The following FAM120B variants were observed in gnomAD, a reference collection of about 807,000 sequenced individuals.
FAM120B encodes family with sequence similarity 120 member B, also known as constitutive coactivator of peroxisome proliferator-activated receptor gamma.
FAM120B carries 83 observed loss-of-function variants against 96.3 expected under a neutral mutation model. That is an observed-to-expected ratio of 0.86 (90% CI 0.72 to 1.03). The LOEUF (loss-of-function observed/expected upper bound fraction) is 1.03, where lower values mean the gene tolerates loss of function less well. Ranked by LOEUF, FAM120B falls within the 50% of genes least tolerant of loss-of-function variation. The pLI, the probability that FAM120B is intolerant of heterozygous loss-of-function variation, is 0.00. For missense variants in FAM120B, 1,027 were observed against 1,121.2 expected (o/e 0.92, Z 1.20); for synonymous variants, 407 against 402.7 (o/e 1.01, Z -0.13).
chr6:170,338,655 A>G (rs1786601918), intron 4 of FAM120B, among the ~76,000 whole-genome samples: 1 of 152,146 alleles, frequency 6.6e-6, no homozygotes, highest in Non-Finnish European at 1.5e-5. Context: ...GTGGGAGTCT[A>G]AGTCTCTTTG....
intron 2 of FAM120B, among the ~76,000 whole-genome samples, chr6:170,322,615 T>G (rs577036612): frequency 1.2e-4 from 19 of 152,106 alleles, no homozygotes; most frequent in Admixed American, 3.3e-4. Context: ...GATTGAGGCT[T>G]TATAGAGGGG....
chr6:170,292,670 T>C (rs1275212953), upstream of FAM120B, among the ~76,000 whole-genome samples: 1 of 152,188 alleles, frequency 6.6e-6, no homozygotes, highest in Non-Finnish European at 1.5e-5. The surrounding 1 kb of genome is among the most constrained non-coding windows in gnomAD (Gnocchi z 6.6). Context: ...CAGCCAGAAA[T>C]CTGAAGGTCA....
chr6:170,388,056 A>G lies in FAM120B; in HGVS notation c.2284-231A>G, dbSNP rs77617742. 4.8e-4 allele frequency among the ~76,000 whole-genome samples: 73 copies of G among 152,250 alleles called. 1 individual carries two copies. The East Asian group carries it at 0.014, about 29-fold the overall frequency. On this transcript the variant is annotated intron_variant, in intron 6 of 10. Coordinates refer to ENST00000476287, the MANE Select transcript of FAM120B (RefSeq NM_032448.3). ...TGAATGGATGGGTGGATGGATGAAGACACACTCTGACTGTAGAGGCACCCT... is the reference window on the plus strand; with the variant it reads ...TGAATGGATGGGTGGATGGATGAAGGCACACTCTGACTGTAGAGGCACCCT...
chr6:170,309,140 C>T (rs1350072680), intron 1 of FAM120B, among the ~76,000 whole-genome samples: 2 of 152,224 alleles, frequency 1.3e-5, no homozygotes, highest in Middle Eastern at 3.4e-3. Flanking sequence ...TTTATTGTGA[C>T]TTTTGATTTA....
At chr6:170,314,445 G>C (rs1415069812) in intron 1 of FAM120B, among the ~76,000 whole-genome samples, 3 of 152,190 alleles carry the variant, frequency 2.0e-5, no homozygotes, top group Non-Finnish European at 4.4e-5. Context: ...ACCTCAAAGG[G>C]AGTGATCCCC....
At position 170,406,610 on chromosome 6, in the gene FAM120B, T is replaced by C. The variant is rs1264105283; in HGVS notation, c.*1859T>C. On this transcript the variant is annotated 3_prime_UTR_variant, in exon 11 of 11. Coordinates refer to ENST00000476287, the MANE Select transcript of FAM120B (RefSeq NM_032448.3). The stretch of plus-strand genomic sequence containing the variant: ...AAGAACATTTACATCTAATTATTTT[T>C]CGTGCAAGTCTTGTAGGACCCACAT... 1 of 152,240 alleles carries C rather than the reference T, an allele frequency of 6.6e-6. No individual in the cohort carries two copies. Among genetic ancestry groups the C allele is most frequent in the Non-Finnish European group, 1.5e-5 (1 of 68,044 alleles). The allele number at this position is 152,240 out of a possible 1,614,324, so 9.4% of individuals were successfully genotyped here.
At chr6:170,358,444 T>A (rs1272405241) in intron 6 of FAM120B, 126 bp downstream of exon 6, 1 of 699,728 alleles carries the variant, frequency 1.4e-6, no homozygotes, top group Non-Finnish European at 2.4e-6. Flanking sequence ...GATCTTTTCG[T>A]GATGCAGTAG....
At chr6:170,375,155 A>G (rs1789431761) in intron 6 of FAM120B, among the ~76,000 whole-genome samples, 1 of 152,230 alleles carries the variant, frequency 6.6e-6, no homozygotes, top group Non-Finnish European at 1.5e-5. Context: ...AAGTGTTCAT[A>G]TGAAGTAGGT....
At chr6:170,313,475 T>C (rs1204796274) in intron 1 of FAM120B, among the ~76,000 whole-genome samples, 1 of 152,252 alleles carries the variant, frequency 6.6e-6, no homozygotes, top group Non-Finnish European at 1.5e-5. Context: ...TTGTGTTTTG[T>C]ATTGTCATAC....
chr6:170,343,926 TGCTG>T (rs1366824720), intron 4 of FAM120B, among the ~76,000 whole-genome samples: 1 of 151,834 alleles, frequency 6.6e-6, no homozygotes, highest in African/African-American at 2.4e-5. Flanking sequence ...TCAGTCCATT[TGCTG>T]GCACTGTTGC....
intron 9 of FAM120B, among the ~76,000 whole-genome samples, chr6:170,397,428 G>T (rs1185450252): frequency 6.6e-6 from 1 of 152,142 alleles, no homozygotes; most frequent in Non-Finnish European, 1.5e-5. Flanking sequence ...GCCAGATTTG[G>T]GGGCAGAGGG....
chr6:170,307,548 A>G (rs1024057082), intron 1 of FAM120B, among the ~76,000 whole-genome samples: 7 of 152,240 alleles, frequency 4.6e-5, no homozygotes, highest in African/African-American at 9.6e-5. Context: ...TTGAGAGCCT[A>G]TTCCTGGCAG....
chr6:170,336,188 G>A (rs1031691410), intron 4 of FAM120B, among the ~76,000 whole-genome samples: 14 of 152,092 alleles, frequency 9.2e-5, no homozygotes, highest in South Asian at 2.1e-4. Context: ...TAGGTTTTAC[G>A]TTTAAGTATT....
Position 170,404,910 on chromosome 6 carries a change from C to G in FAM120B, c.*159C>G. The stretch of plus-strand genomic sequence containing the variant: ...AACGATGCCTTTTTCAATGGTGTCT[C>G]CCTCCCATTGTGCAGAAGAGCTTTT... On this transcript the variant is annotated 3_prime_UTR_variant, in exon 11 of 11. Coordinates refer to ENST00000476287, the MANE Select transcript of FAM120B (RefSeq NM_032448.3). 2.8e-6 allele frequency: 1 copy of G among 362,866 alleles called. No individual in the cohort carries two copies. The highest frequency in any genetic ancestry group is 4.8e-5 in the South Asian group (1 of 20,688). 22.5% of individuals were successfully genotyped at this position (362,866 alleles called of 1,614,324 possible).
chr6:170,337,316 A>G (rs1256696134), intron 4 of FAM120B, among the ~76,000 whole-genome samples: 7 of 152,140 alleles, frequency 4.6e-5, no homozygotes, highest in Admixed American at 4.6e-4. Context: ...TGGTTCATTT[A>G]TGTGATTGAT....
At chr6:170,296,205 C>T (rs1186661245) in intron 1 of FAM120B, among the ~76,000 whole-genome samples, 2 of 152,074 alleles carry the variant, frequency 1.3e-5, no homozygotes, top group African/African-American at 4.8e-5. Context: ...GCGCCGGGAC[C>T]CGGGGCTGGG....
chr6:170,308,348 C>T (rs1490880235), intron 1 of FAM120B, among the ~76,000 whole-genome samples: 4 of 150,978 alleles, frequency 2.6e-5, no homozygotes, highest in Non-Finnish European at 5.9e-5. Flanking sequence ...CACACACACC[C>T]CATTTTGTGA....
rs570794262 is a variant in FAM120B at position 170,374,616 on chromosome 6, C to T, written c.2284-13671C>T. 1.3e-5 allele frequency among the ~76,000 whole-genome samples: 2 copies of T among 152,324 alleles called. 1 individual carries two copies. Among genetic ancestry groups the T allele is most frequent in the South Asian group, 4.1e-4 (2 of 4,832 alleles). ...ACACCCTGACTTCTAAGAATGAACA[C>T]GTCTTGTCATTTAGGCCAGGTTATT... On this transcript the variant is annotated intron_variant, in intron 6 of 10. Transcript: ENST00000476287.
chr6:170,358,103 T>A, intron 5 of FAM120B, 123 bp from the exon 6 acceptor site: 1 of 772,958 alleles, frequency 1.3e-6, no homozygotes, highest in Non-Finnish European at 2.1e-6. Flanking sequence ...CGTGTGCCTG[T>A]ACGTGCCTGT....
Sources: allele counts gnomAD v4.1 joint callset (sites outside exome capture counted in the v4.1 genomes callset), GRCh38; gene constraint gnomAD v4.1.1; non-coding constraint Gnocchi (gnomAD v3.1); transcripts MANE v1.5; gene names NCBI Gene and HGNC (gene_info 2026-07-23, HGNC 2026-07-21).